The following GPHN variants were observed in gnomAD, a reference collection of about 807,000 sequenced individuals.
GPHN encodes gephyrin.
Under a neutral mutation model 95.5 loss-of-function variants are expected in GPHN, and 17 were observed. The observed-to-expected ratio is 0.18, with a 90% CI of 0.12 to 0.27. GPHN has a LOEUF of 0.27. GPHN is among the 10% of genes least tolerant of loss of function. The pLI, the probability that GPHN is intolerant of heterozygous loss-of-function variation, is 1.00. For synonymous variants in GPHN, 320 were observed against 322.5 expected, an observed-to-expected ratio of 0.99 and a Z score of 0.08; for missense variants, 660 against 978.1, an observed-to-expected ratio of 0.67 and a Z score of 4.34.
At chr14:67,127,665 G>C (rs754777095) in intron 17 of GPHN, among the ~76,000 whole-genome samples, 2 of 152,194 alleles carry the variant, frequency 1.3e-5, no homozygotes, top group African/African-American at 2.4e-5. Flanking sequence ...AGTAAGATCA[G>C]TCATGCGTCT....
At chr14:67,273,312 C>T in the GPHN span, among the ~76,000 whole-genome samples, 1 of 151,850 alleles carries the variant, frequency 6.6e-6, no homozygotes, top group Admixed American at 6.6e-5. Context: ...GTGATGTTCC[C>T]CACCCTGTGT....
At chr14:67,691,851 A>G in the GPHN span, 2 of 154,810 alleles carry the variant, frequency 1.3e-5, no homozygotes, top group Non-Finnish European at 2.9e-5. Flanking sequence ...TCCATAGAGT[A>G]TTACACACAC....
the GPHN span, among the ~76,000 whole-genome samples, chr14:67,370,608 C>T: frequency 1.3e-5 from 2 of 152,152 alleles, no homozygotes; most frequent in Admixed American, 1.3e-4. Context: ...CTCAACAAAT[C>T]AGGTGAAATT....
chr14:66,978,176 G>A (rs2070390489), intron 9 of GPHN, among the ~76,000 whole-genome samples: 1 of 152,204 alleles, frequency 6.6e-6, no homozygotes, highest in Non-Finnish European at 1.5e-5. Flanking sequence ...TTTGCTGGTA[G>A]AGGGTCTTGC....
At chr14:67,057,807 T>A (rs1032976500) in intron 10 of GPHN, among the ~76,000 whole-genome samples, 2 of 152,172 alleles carry the variant, frequency 1.3e-5, no homozygotes, top group African/African-American at 4.8e-5. Flanking sequence ...CCCTAACTGT[T>A]TCTGGTTCAT....
intron 10 of GPHN, among the ~76,000 whole-genome samples, chr14:67,031,393 C>T (rs1208118701): frequency 6.6e-6 from 1 of 152,092 alleles, no homozygotes; most frequent in Non-Finnish European, 1.5e-5. Flanking sequence ...TCTTGATTGG[C>T]ATTCACTGGA....
intron 8 of GPHN, among the ~76,000 whole-genome samples, chr14:66,957,763 A>G (rs113582659): frequency 0.015 from 2,302 of 152,280 alleles, 33 homozygotes; most frequent in Non-Finnish European, 0.018. Context: ...GACTGATACC[A>G]GTCCATGACC....
At chr14:67,692,068 A>C in the GPHN span, 1 of 175,048 alleles carries the variant, frequency 5.7e-6, no homozygotes, top group African/African-American at 2.4e-5. Context: ...CCCTTTGTGA[A>C]TCTCAACTTT....
chr14:67,528,716 C>T, the GPHN span, among the ~76,000 whole-genome samples: 1 of 152,128 alleles, frequency 6.6e-6, no homozygotes, highest in Non-Finnish European at 1.5e-5. Context: ...CCGTATAACC[C>T]GCAGCTGCAG....
chr14:67,007,897 G>A (rs1258557372), intron 9 of GPHN, among the ~76,000 whole-genome samples: 2 of 152,172 alleles, frequency 1.3e-5, no homozygotes, highest in Non-Finnish European at 2.9e-5. Flanking sequence ...ATAAAAAAGG[G>A]AGGAAGGAAA....
intron 1 of GPHN, among the ~76,000 whole-genome samples, chr14:66,517,198 A>G (rs980881578): frequency 6.6e-6 from 1 of 151,266 alleles, no homozygotes; most frequent in African/African-American, 2.4e-5. Context: ...ATGTAAAAAG[A>G]TGAAGGAACA....
At chr14:66,781,349 T>C (rs1023524868) in intron 3 of GPHN, among the ~76,000 whole-genome samples, 4 of 152,050 alleles carry the variant, frequency 2.6e-5, no homozygotes, top group Non-Finnish European at 5.9e-5. Context: ...CCTGAGTAGC[T>C]GGGACTACAG....
chr14:67,210,341 T>G, the GPHN span, among the ~76,000 whole-genome samples: 1 of 151,868 alleles, frequency 6.6e-6, no homozygotes, highest in Non-Finnish European at 1.5e-5. Flanking sequence ...ATCCCAGCAC[T>G]TTGGGAGGCT....
At chr14:66,838,915 C>T (rs1306543793) in intron 4 of GPHN, among the ~76,000 whole-genome samples, 1 of 152,148 alleles carries the variant, frequency 6.6e-6, no homozygotes, top group African/African-American at 2.4e-5. Context: ...TTTGTTGTTA[C>T]TGCCTGCCAT....
intron 4 of GPHN, among the ~76,000 whole-genome samples, chr14:66,842,161 C>T (rs1018814775): frequency 4.7e-5 from 7 of 150,416 alleles, no homozygotes; most frequent in Non-Finnish European, 7.4e-5. Flanking sequence ...TTTTTGGAGT[C>T]ATCAACATAT....
chr14:67,164,270 CAAAAAAAAAAAA>C lies in GPHN; in HGVS notation c.1911-880_1911-869del, dbSNP rs780524695. On this transcript the variant is annotated intron_variant, in intron 19 of 22. Transcript: ENST00000478722. ...GCGACAAAGAGCAAAACTCCATCTC[CAAAAAAAAAAAA>C]AAAAAAAAAAACTGTTAATTTTGTT... is the stretch of plus-strand genomic sequence containing the variant. Among the ~76,000 whole-genome samples the C allele has an allele frequency of 1.1e-4, 5 of 46,624 alleles. No individual in the cohort carries two copies. The South Asian group carries it at 5.0e-3, about 47-fold the overall frequency. 30.6% of individuals were successfully genotyped at this position (46,624 alleles called of 152,430 possible). A position where few individuals can be genotyped will look rare whatever the true frequency, so the allele number is the denominator to read the frequency against.
At chr14:67,680,613 C>A in the GPHN span, among the ~76,000 whole-genome samples, 1 of 152,182 alleles carries the variant, frequency 6.6e-6, no homozygotes, top group Non-Finnish European at 1.5e-5. Context: ...GACACGCCAC[C>A]ACGCCTGGCT....
chr14:67,454,224 C>T, the GPHN span: 3,966 of 152,320 alleles, frequency 0.026, 72 homozygotes, highest in Non-Finnish European at 0.037. Context: ...TTACAAGGCA[C>T]TTAGAACAAT....
At chr14:67,392,569 C>G in the GPHN span, 1 of 1,295,370 alleles carries the variant, frequency 7.7e-7, no homozygotes, top group Middle Eastern at 1.9e-4. Flanking sequence ...AGCCCAAGGT[C>G]TCCTCCCATG....
Sources: gnomAD v4.1 joint callset for allele counts (sites outside exome capture counted in the v4.1 genomes callset) on GRCh38, gnomAD v4.1.1 for gene constraint, MANE v1.5 for transcripts, NCBI Gene and HGNC (gene_info 2026-07-23, HGNC 2026-07-21) for gene names.